Variants in LCT observed in about 807,000 individuals in gnomAD.
LCT encodes the protein lactase/phlorizin hydrolase.
In LCT, 90 loss-of-function variants were observed where a neutral mutation model predicts 173.0. The ratio of observed to expected loss-of-function variants is 0.52; its 90% CI spans 0.44 to 0.62. The LOEUF is 0.62. Among genes scored for constraint, LCT ranks in the 20% least tolerant of loss-of-function variants. LCT has a pLI of 0.00. For synonymous variants in LCT, 853 were observed against 957.6 expected, an observed-to-expected ratio of 0.89 and a Z score of 2.02; for missense variants, 1,864 against 2,431.4, an observed-to-expected ratio of 0.77 and a Z score of 4.91.
Position 135,804,757 on chromosome 2 carries a change from C to T in LCT, c.4464+10G>A, listed in dbSNP as rs1172760768. 1.2e-5 allele frequency: 19 copies of T among 1,612,064 alleles called. No individual in the cohort carries two copies. The highest frequency in any genetic ancestry group is 1.4e-5 in the Non-Finnish European group (17 of 1,179,790). On this transcript the variant is annotated intron_variant, in intron 10 of 16. Transcript: ENST00000264162. ...GGACTTTCCCAAGGCCTTGCCAGGACCCACCATACCTGGGGCTGGATGCTG... is the reference window on the plus strand; with the variant it reads ...GGACTTTCCCAAGGCCTTGCCAGGATCCACCATACCTGGGGCTGGATGCTG...
Position 135,808,785 on chromosome 2 carries a change from T to C in LCT, c.3562A>G (p.Ser1188Gly). 6.2e-7 allele frequency: 1 copy of C among 1,613,630 alleles called. No individual in the cohort carries two copies. The highest frequency in any genetic ancestry group is 1.1e-5 in the South Asian group (1 of 91,076). The change falls in exon 8 of 17, where the codon AGC (serine) becomes GGC (glycine). Residue 1188 changes from serine (S) to glycine (G), a missense_variant. By Grantham distance (56) the Ser-to-Gly change is moderately conservative. Coordinates refer to ENST00000264162, the MANE Select transcript of LCT (RefSeq NM_002299.4). ...AACCTCTTCTCTTCCTCAGTGAAGC[T>C]TGGCAGGCGGGAGGTGGCTAAGTGC... ...LQHLATSRLP[S>G]FTEEEKRFIR...
Position 135,804,999 on chromosome 2 carries a change from T to G in LCT, c.4232A>C (p.His1411Pro). 38 of 1,612,388 alleles carry G rather than the reference T, an allele frequency of 2.4e-5. No individual in the cohort carries two copies. Among genetic ancestry groups the G allele is most frequent in the African/African-American group, 2.7e-5 (2 of 75,022 alleles). ...ATCGTTCTCAACCCTCAGTGGTGTG[T>G]GAGAAAACGTGTCCCAAATGCTGAG... ...KGLSIWDTFS[H>P]TPLRVENDAI... The change falls in exon 10 of 17, where the codon CAC becomes CCC. Residue 1411 changes from histidine (H) to proline (P), a missense_variant. This residue lies in a region of LCT where 514 missense variants were observed against 750.1 expected (regional missense o/e 0.69). Transcript: ENST00000264162.
intron 13 of LCT, among the ~76,000 whole-genome samples, chr2:135,797,433 C>A (rs2077591181): frequency 6.6e-6 from 1 of 152,314 alleles, no homozygotes; most frequent in African/African-American, 2.4e-5. Context: ...CTGCATGATT[C>A]TCAAGCCCCC....
intron 14 of LCT, chr2:135,794,295 T>C (rs2077559987): frequency 4.4e-6 from 1 of 228,430 alleles, no homozygotes; most frequent in Non-Finnish European, 8.7e-6. Flanking sequence ...TGATAAAACC[T>C]AAACAATTTT....
chr2:135,793,850 T>C (rs566529884), intron 14 of LCT, among the ~76,000 whole-genome samples: 1 of 151,896 alleles, frequency 6.6e-6, no homozygotes, highest in Non-Finnish European at 1.5e-5. Context: ...AAGGGGATCA[T>C]CTGAGGTCAG....
At position 135,826,845 on chromosome 2, in the gene LCT, G is replaced by A. The variant is rs996013694; in HGVS notation, c.804+2748C>T. Among the ~76,000 whole-genome samples the A allele has an allele frequency of 2.0e-4, 30 of 152,196 alleles. 1 individual carries two copies. Among genetic ancestry groups the A allele is most frequent in the Non-Finnish European group, 3.7e-4 (25 of 68,026 alleles). On this transcript the variant is annotated intron_variant, in intron 3 of 16. Transcript: ENST00000264162. ...GCCCAGAAACCTTGTCAGCCAGCCC[G>A]CAAGCACAGGCCCTGGGCAGCAAGC...
chr2:135,801,140 C>T (rs1341794939), intron 11 of LCT, among the ~76,000 whole-genome samples: 1 of 152,154 alleles, frequency 6.6e-6, no homozygotes, highest in Non-Finnish European at 1.5e-5. Context: ...CTTCTGTTCC[C>T]CTCCTCCAGA....
chr2:135,795,761 C>G (rs2077577195), intron 13 of LCT, among the ~76,000 whole-genome samples: 1 of 150,886 alleles, frequency 6.6e-6, no homozygotes, highest in Non-Finnish European at 1.5e-5. Flanking sequence ...TTTTCCCAGA[C>G]AGGGTCTCGC....
In LCT at chr2:135,807,041, T is replaced by C. The variant is rs2077681631; in HGVS notation, c.4173+87A>G. 3.4e-6 allele frequency: 5 copies of C among 1,459,204 alleles called. No homozygotes were observed. The South Asian group carries it at 5.8e-5, about 17-fold the overall frequency. The allele number at this position is 1,459,204 out of a possible 1,614,324, so 90.4% of individuals were successfully genotyped here. A position where few individuals can be genotyped will look rare whatever the true frequency, so the allele number is the denominator to read the frequency against. ...TGGGTCTGCTGGAATCTCCTGTTCATGCATCTGCCCTTCCCAGCACTGAGC... is the reference window on the plus strand; with the variant it reads ...TGGGTCTGCTGGAATCTCCTGTTCACGCATCTGCCCTTCCCAGCACTGAGC... On this transcript the variant is annotated intron_variant, in intron 9 of 16. Coordinates refer to ENST00000264162, the MANE Select transcript of LCT (RefSeq NM_002299.4).
At chr2:135,801,369 C>T (rs2077626423) in intron 11 of LCT, among the ~76,000 whole-genome samples, 1 of 152,052 alleles carries the variant, frequency 6.6e-6, no homozygotes, top group African/African-American at 2.4e-5. Flanking sequence ...TAGCTTCAAA[C>T]CAATGTTATA....
chr2:135,821,604 C>T (rs2077831501), intron 5 of LCT: 1 of 210,758 alleles, frequency 4.7e-6, no homozygotes, highest in Non-Finnish European at 9.6e-6. Context: ...CCTCAGTCTC[C>T]CAAGTAGCTG....
intron 11 of LCT, among the ~76,000 whole-genome samples, chr2:135,802,175 A>G (rs1217241961): frequency 2.0e-5 from 3 of 152,168 alleles, no homozygotes; most frequent in African/African-American, 7.2e-5. Flanking sequence ...TAACGATTTG[A>G]GGCACATCTC....
intron 13 of LCT, 67 bp from the exon 14 acceptor site, chr2:135,794,842 A>G: frequency 6.3e-7 from 1 of 1,594,844 alleles, no homozygotes; most frequent in Admixed American, 1.7e-5. Flanking sequence ...AGAACGTCAT[A>G]GGGCTGGGGC....
intron 10 of LCT, 21 bp from the exon 11 acceptor site, chr2:135,804,149 C>A: frequency 6.3e-7 from 1 of 1,599,214 alleles, no homozygotes; most frequent in South Asian, 1.1e-5. Context: ...GCCAGATCAG[C>A]TGTTGCATCA....
intron 14 of LCT, 178 bp downstream of exon 14, chr2:135,794,463 C>T (rs1439195502): frequency 8.7e-6 from 6 of 688,544 alleles, no homozygotes; most frequent in South Asian, 1.7e-5. Context: ...GGCCTTCTCT[C>T]CCTCTTGCTT....
intron 1 of LCT, among the ~76,000 whole-genome samples, chr2:135,835,482 GTATATATATATATATATATATATA>G (rs55900419): frequency 0.013 from 860 of 67,966 alleles, 46 homozygotes; most frequent in African/African-American, 0.027. Flanking sequence ...GAACATAGAA[GTATATATATATATATATATATATA>G]TATATATATA....
At chr2:135,805,386 C>T (rs1334014355) in intron 9 of LCT, among the ~76,000 whole-genome samples, 1 of 152,220 alleles carries the variant, frequency 6.6e-6, no homozygotes, top group African/African-American at 2.4e-5. Flanking sequence ...CCCTGGCTTT[C>T]TCTACGCATG....
intron 14 of LCT, among the ~76,000 whole-genome samples, chr2:135,793,687 A>G (rs1372133142): frequency 2.6e-5 from 4 of 152,222 alleles, no homozygotes; most frequent in African/African-American, 9.7e-5. Context: ...AGGAGGTACT[A>G]GAGAAAGGTG....
In LCT at chr2:135,817,586, C is replaced by G; in HGVS notation, c.1462G>C (p.Gly488Arg). 1 of 1,614,144 alleles carries G rather than the reference C, an allele frequency of 6.2e-7. No individual in the cohort carries two copies. Among genetic ancestry groups the G allele is most frequent in the East Asian group, 2.2e-5 (1 of 44,882 alleles). ...AACAGCGTGGCCATGGGCTCGATGC[C>G]CGCATCCTGTAGCCTGTCAATCAGC... ...NKLIDRLQDA[G>R]IEPMATLFHW... Residue 488 changes from glycine to arginine, a missense_variant, in exon 6 of 17, where the codon GGC (glycine) becomes CGC (arginine). Transcript: ENST00000264162.
Sources: gnomAD v4.1 joint callset for allele counts (sites outside exome capture counted in the v4.1 genomes callset) on GRCh38, gnomAD v4.1.1 for gene constraint, gnomAD v4.1.1 regional missense constraint, MANE v1.5 for transcripts, NCBI Gene and HGNC (gene_info 2026-07-23, HGNC 2026-07-21) for gene names.